Variants in CD1A observed in about 807,000 individuals in gnomAD.
CD1A encodes CD1a molecule, also known as T-cell surface glycoprotein CD1a.
A neutral mutation model predicts 38.3 loss-of-function variants in CD1A; 50 were observed. The observed-to-expected ratio is 1.30, with a 90% CI of 1.04 to 1.65. CD1A has a LOEUF of 1.65. Among genes scored for constraint, CD1A ranks in the 40% most tolerant of loss-of-function variants. The pLI, the probability that CD1A is intolerant of heterozygous loss-of-function variation, is 0.00. For missense variants in CD1A, 459 were observed against 406.1 expected (o/e 1.13, Z -1.12); for synonymous variants, 160 against 150.8 (o/e 1.06, Z -0.45).
chr1:158,254,099 A>T, upstream of CD1A: 1 of 228,828 alleles, frequency 4.4e-6, no homozygotes, highest in Non-Finnish European at 6.0e-6. Flanking sequence ...CTTCTCTAAG[A>T]ATAATGGAGA....
chr1:158,256,066 T>A lies in CD1A; in HGVS notation c.388T>A (p.Phe130Ile), dbSNP rs1558066592. The change falls in exon 3 of 6, where the codon TTC (phenylalanine) becomes ATC (isoleucine). Residue 130 changes from phenylalanine to isoleucine, a missense_variant. By Grantham distance (21) the Phe-to-Ile change is conservative (BLOSUM62 0). Coordinates refer to ENST00000289429, the MANE Select transcript of CD1A (RefSeq NM_001763.3). ...GCACTCTGGAAAGGTCTCAGGAAGC[T>A]TCTTGCAGTTAGCTTATCAAGGATC... ...ELHSGKVSGS[F>I]LQLAYQGSDF... 2 of 1,614,228 alleles carry A rather than the reference T, an allele frequency of 1.2e-6. No homozygotes were observed. The highest frequency in any genetic ancestry group is 8.5e-7 in the Non-Finnish European group (1 of 1,180,028).
rs755789793 is a variant in CD1A at position 158,256,009 on chromosome 1, T to C, written c.331T>C (p.Phe111Leu). Residue 111 changes from phenylalanine (F) to leucine (L), a missense_variant, in exon 3 of 6, where the codon TTT becomes CTT. Physicochemically the swap from Phe to Leu is conservative, Grantham distance 22 (BLOSUM62 0). Coordinates refer to ENST00000289429, the MANE Select transcript of CD1A (RefSeq NM_001763.3). Reference sequence around the variant, plus strand: ...CCTCTATTTCATAACCCCAGATCCTTTTGAGATACAGGTGACAGGAGGCTG... The same window carrying C: ...CCTCTATTTCATAACCCCAGATCCTCTTGAGATACAGGTGACAGGAGGCTG... ...YAHELQFEYP[F>L]EIQVTGGCEL... The C allele has an allele frequency of 1.9e-6, 3 of 1,612,664 alleles. No individual in the cohort carries two copies. The highest frequency in any genetic ancestry group is 3.3e-5 in the Admixed American group (2 of 59,956).
chr1:158,256,702 C>A (rs1364150491), intron 3 of CD1A, 84 bp from the exon 4 acceptor site: 11 of 1,433,650 alleles, frequency 7.7e-6, no homozygotes, highest in South Asian at 1.4e-5. Context: ...GAAATGGGAA[C>A]AATGTGTCTA....
chr1:158,255,332 C>T lies in CD1A; in HGVS notation c.307C>T (p.His103Tyr). The change falls in exon 2 of 6, where the codon CAT (histidine) becomes TAT (tyrosine). Residue 103 changes from histidine to tyrosine, a missense_variant. Coordinates refer to ENST00000289429, the MANE Select transcript of CD1A (RefSeq NM_001763.3). ...RSFEGIRRYA[H>Y]ELQFEYPFEI... ...ATTTGAGGGAATTCGTAGATACGCC[C>T]ATGAATTGCAGTTTGAATGTGAGTT... 1 of 1,613,882 alleles carries T rather than the reference C, an allele frequency of 6.2e-7. No homozygotes were observed.
chr1:158,255,936 T>C (rs2101632510), intron 2 of CD1A, 68 bp from the exon 3 acceptor site: 1 of 1,475,238 alleles, frequency 6.8e-7, no homozygotes, highest in Non-Finnish European at 9.2e-7. Flanking sequence ...TCTGCTTCTA[T>C]AATCTTTGCT....
In CD1A at chr1:158,254,563, T is replaced by C; in HGVS notation, c.-107T>C. 3.2e-6 allele frequency: 5 copies of C among 1,583,792 alleles called. No individual in the cohort carries two copies. The highest frequency in any genetic ancestry group is 2.3e-5 in the East Asian group (1 of 44,236). On this transcript the variant is annotated 5_prime_UTR_variant, in exon 1 of 6. Transcript: ENST00000289429. ...GTTGCAGTCAGGGGAGGTTTGTCTG[T>C]TGGCTGCAGAAAGAAGTCAGAATAG...
At chr1:158,257,345 A>C (rs1650294640) in intron 4 of CD1A, 76 bp from the exon 5 acceptor site, 1 of 1,114,722 alleles carries the variant, frequency 9.0e-7, no homozygotes, top group Non-Finnish European at 1.3e-6. Flanking sequence ...AAGCCCAGGG[A>C]ATGCAGTGAA....
upstream of CD1A, among the ~76,000 whole-genome samples, chr1:158,252,226 G>C (rs1210912800): frequency 1.3e-5 from 2 of 151,394 alleles, no homozygotes; most frequent in Non-Finnish European, 2.9e-5. Context: ...CCTCAGGCCC[G>C]CATCATGAGA....
chr1:158,254,769 G>GTCTC (rs3832018), intron 1 of CD1A, 42 bp downstream of exon 1: 22 of 1,169,682 alleles, frequency 1.9e-5, no homozygotes, highest in African/African-American at 9.5e-5. Flanking sequence ...GTGGGTGAAG[G>GTCTC]TCTCTCTCTC....
At chr1:158,256,675 C>CAAA (rs34315183) in intron 3 of CD1A, 111 bp from the exon 4 acceptor site, 39 of 1,110,660 alleles carry the variant, frequency 3.5e-5, no homozygotes, top group Non-Finnish European at 4.4e-5. Context: ...GACCCTGTCT[C>CAAA]AAAAAAAAAA....
rs1006166151 is a variant in CD1A at position 158,256,115 on chromosome 1, A to C, written c.437A>C (p.Asn146Thr). 27 of 1,614,042 alleles carry C rather than the reference A, an allele frequency of 1.7e-5. No homozygotes were observed. The highest frequency in any genetic ancestry group is 2.3e-5 in the Non-Finnish European group (27 of 1,180,018). ...QGSDFVSFQN[N>T]SWLPYPVAGN... is the part of the protein sequence containing the mutation. ...TCAGACTTTGTGAGCTTCCAGAACA[A>C]TTCATGGTTGCCATATCCAGTGGCT... Residue 146 changes from asparagine to threonine, a missense_variant, in exon 3 of 6, where the codon AAT becomes ACT. Physicochemically the swap from Asn to Thr is moderately conservative, Grantham distance 65. Coordinates refer to ENST00000289429, the MANE Select transcript of CD1A (RefSeq NM_001763.3).
At chr1:158,250,074 G>A (rs76876390), upstream of CD1A, among the ~76,000 whole-genome samples, 329 of 152,366 alleles carry the variant, frequency 2.2e-3, 1 homozygote, top group African/African-American at 6.7e-3. Flanking sequence ...GACACTGTGG[G>A]ATGCATGCCC....
At chr1:158,251,826 C>T (rs1465619512), upstream of CD1A, among the ~76,000 whole-genome samples, 1 of 152,070 alleles carries the variant, frequency 6.6e-6, no homozygotes, top group African/African-American at 2.4e-5. Context: ...CTGAGGGCAG[C>T]AGGGCTTTCT....
chr1:158,255,958 C>T (rs769926346), intron 2 of CD1A, 46 bp from the exon 3 acceptor site: 1 of 1,554,646 alleles, frequency 6.4e-7, no homozygotes, highest in Non-Finnish European at 8.8e-7. Context: ...CTACTCATTT[C>T]ATTTTATATT....
rs375589478 is a variant in CD1A, at chr1:158,257,295, A to G, written c.884-126A>G. 1.5e-3 allele frequency: 1,496 copies of G among 971,638 alleles called. 35 individuals are homozygous for G. In the South Asian group the frequency reaches 0.023, roughly 15 times the overall value. 60.2% of individuals were successfully genotyped at this position (971,638 alleles called of 1,614,324 possible). A position where few individuals can be genotyped will look rare whatever the true frequency, so the allele number is the denominator to read the frequency against. On this transcript the variant is annotated intron_variant, in intron 4 of 5. Coordinates refer to ENST00000289429, the MANE Select transcript of CD1A (RefSeq NM_001763.3). ...CAGGGATGAGAGAAAAACATAGAAA[A>G]AAAGGAGATTGGTAAGTTGGATACT... is the stretch of plus-strand genomic sequence containing the variant.
upstream of CD1A, among the ~76,000 whole-genome samples, chr1:158,252,041 G>T (rs571968289): frequency 6.6e-6 from 1 of 152,104 alleles, no homozygotes; most frequent in South Asian, 2.1e-4. Flanking sequence ...ATGTTGGCCA[G>T]GTTGGTCTCG....
At chr1:158,250,458 G>A (rs1234316718), upstream of CD1A, among the ~76,000 whole-genome samples, 1 of 152,222 alleles carries the variant, frequency 6.6e-6, no homozygotes, top group Non-Finnish European at 1.5e-5. Context: ...CATGAAGCAA[G>A]CCCGGGATAT....
chr1:158,256,074 G>T lies in CD1A; in HGVS notation c.396G>T (p.Gln132His). Residue 132 changes from glutamine (Q) to histidine (H), a missense_variant, in exon 3 of 6, where the codon CAG becomes CAT. Transcript: ENST00000289429. ...HSGKVSGSFL[Q>H]LAYQGSDFVS... ...GAAAGGTCTCAGGAAGCTTCTTGCA[G>T]TTAGCTTATCAAGGATCAGACTTTG... 6.2e-7 allele frequency: 1 copy of T among 1,614,154 alleles called. No individual in the cohort carries two copies. Among genetic ancestry groups the T allele is most frequent in the Non-Finnish European group, 8.5e-7 (1 of 1,180,010 alleles).
the CD1A span, chr1:158,248,363 T>C: frequency 3.0e-6 from 3 of 984,902 alleles, no homozygotes; most frequent in Non-Finnish European, 2.4e-6. Flanking sequence ...AGAGCTTCAA[T>C]GGGGAAGGAA....
Sources: gnomAD v4.1 joint callset for allele counts (sites outside exome capture counted in the v4.1 genomes callset) on GRCh38, gnomAD v4.1.1 for gene constraint, MANE v1.5 for transcripts, NCBI Gene and HGNC (gene_info 2026-07-23, HGNC 2026-07-21) for gene names.